Variants in BCL2L14 observed in about 807,000 individuals in gnomAD.
The protein encoded by BCL2L14 is BCL2 like 14, also known as apoptosis facilitator Bcl-2-like protein 14.
BCL2L14 carries 27 observed loss-of-function variants against 35.3 expected under a neutral mutation model. The observed-to-expected ratio is 0.76, with a 90% CI of 0.56 to 1.05. BCL2L14 has a LOEUF of 1.05. Among genes scored for constraint, BCL2L14 ranks in the 50% least tolerant of loss-of-function variants. The pLI is 0.00. For missense variants in BCL2L14, 377 were observed against 382.6 expected, an observed-to-expected ratio of 0.99 and a Z score of 0.12; for synonymous variants, 139 against 145.9, an observed-to-expected ratio of 0.95 and a Z score of 0.34.
rs144777422 is a variant in BCL2L14 at position 12,098,019 on chromosome 12, A to G, written c.946-931A>G. ...GGAAATTAGGAGAGGGGAGACAAAG[A>G]ATGTGAGAGGGATGACTAATTTTTC... On this transcript the variant is annotated intron_variant, in intron 5 of 5. Transcript: ENST00000308721. Among the ~76,000 whole-genome samples, 56 of 152,164 alleles carry G rather than the reference A, an allele frequency of 3.7e-4. No individual in the cohort carries two copies. The East Asian group carries it at 9.3e-3, about 25-fold the overall frequency.
chr12:12,076,794 A>G (rs551930550), intron 1 of BCL2L14, among the ~76,000 whole-genome samples: 1 of 152,262 alleles, frequency 6.6e-6, no homozygotes, highest in Admixed American at 6.5e-5. Flanking sequence ...AGGAGAGGAG[A>G]CAGTGATGGA....
chr12:12,087,349 C>T lies in BCL2L14; in HGVS notation c.570C>T (p.Leu190=), dbSNP rs763164779. The change falls in exon 3 of 6, where the codon CTC becomes CTT. Residue 190 remains leucine, a synonymous_variant. Coordinates refer to ENST00000308721, the MANE Select transcript of BCL2L14 (RefSeq NM_138723.2). Reference sequence around the variant, plus strand: ...TAACTGAGGGTCTCTCCTTCCAGCTCCAAGGCCACGTGCCTGTAGCTTCAA... The same window carrying T: ...TAACTGAGGGTCTCTCCTTCCAGCTTCAAGGCCACGTGCCTGTAGCTTCAA... The part of the protein sequence containing the change: ...IFVTEGLSFQ[L]QGHVPVASSS... The T allele has an allele frequency of 6.2e-7, 1 of 1,614,222 alleles. No individual in the cohort carries two copies. The highest frequency in any genetic ancestry group is 8.5e-7 in the Non-Finnish European group (1 of 1,180,046).
chr12:12,074,892 C>CT (rs1948746198), intron 1 of BCL2L14, among the ~76,000 whole-genome samples: 1 of 152,156 alleles, frequency 6.6e-6, no homozygotes, highest in African/African-American at 2.4e-5. Flanking sequence ...ATCCTCCCAC[C>CT]TTGGCCTCCT....
At chr12:12,068,387 GTTTGTTTTGAGACAGGGTTTTTGTT>G (rs1286790228), upstream of BCL2L14, among the ~76,000 whole-genome samples, 1 of 151,916 alleles carries the variant, frequency 6.6e-6, no homozygotes, top group Non-Finnish European at 1.5e-5. Flanking sequence ...TTTTCTGTTT[GTTTGTTTTGAGACAGGGTTTTTGTT>G]TTTGTTTTGA....
intron 3 of BCL2L14, among the ~76,000 whole-genome samples, chr12:12,088,404 C>T (rs11054675): frequency 0.096 from 14,521 of 152,028 alleles, 844 homozygotes; most frequent in Non-Finnish European, 0.12. Flanking sequence ...ACTTGCCCAG[C>T]GCCATGTTGT....
rs1448107992 is a variant in BCL2L14 at position 12,079,350 on chromosome 12, T to A, written c.45T>A (p.Asp15Glu). 1 of 1,614,142 alleles carries A rather than the reference T, an allele frequency of 6.2e-7. No individual in the cohort carries two copies. ...GTGACCTGGAAGAAATCCCCCTAGATGATGATGACCTAAACACCATAGAAT... is the reference window on the plus strand; with the variant it reads ...GTGACCTGGAAGAAATCCCCCTAGAAGATGATGACCTAAACACCATAGAAT... ...SGCDLEEIPLDDDDLNTIEFK... is the reference protein window; with the variant it reads ...SGCDLEEIPLEDDDLNTIEFK... The change falls in exon 2 of 6, where the codon GAT (aspartate) becomes GAA (glutamate). Residue 15 changes from aspartate to glutamate, a missense_variant. Physicochemically the swap from Asp to Glu is conservative, Grantham distance 45. Transcript: ENST00000308721.
At chr12:12,072,813 G>A (rs1948695363) in intron 1 of BCL2L14, among the ~76,000 whole-genome samples, 1 of 152,044 alleles carries the variant, frequency 6.6e-6, no homozygotes, top group Non-Finnish European at 1.5e-5. Context: ...GCTATACACT[G>A]AACAATCAAG....
chr12:12,085,203 T>G lies in BCL2L14; in HGVS notation c.434-2010T>G, dbSNP rs958602814. ...TATGAGAGGAGGAGGGGACAGAGCC[T>G]TTGGGACCCTTCATGGAGCTTCTTA... On this transcript the variant is annotated intron_variant, in intron 2 of 5. Coordinates refer to ENST00000308721, the MANE Select transcript of BCL2L14 (RefSeq NM_138723.2). 6.6e-5 allele frequency among the ~76,000 whole-genome samples: 10 copies of G among 152,276 alleles called. No individual in the cohort carries two copies. The South Asian group carries it at 2.1e-3, about 32-fold the overall frequency.
rs572101836 is a variant in BCL2L14 at position 12,051,409 on chromosome 12, C to T, written c.-323-387C>T. The stretch of plus-strand genomic sequence containing the variant: ...AACTCAGCTAATAAACAGGGAATCC[C>T]GAGGGTTCCCCTCTACTCCACTCCT... On this transcript the variant is annotated intron_variant, in intron 1 of 3. Coordinates refer to the BCL2L14 transcript ENST00000461264. 3.4e-4 allele frequency among the ~76,000 whole-genome samples: 52 copies of T among 152,258 alleles called. No homozygotes were observed. The South Asian group carries it at 6.8e-3, about 20-fold the overall frequency.
At chr12:12,092,841 C>T (rs765554969) in intron 4 of BCL2L14, among the ~76,000 whole-genome samples, 3 of 152,258 alleles carry the variant, frequency 2.0e-5, no homozygotes, top group East Asian at 1.9e-4. Context: ...ATCTCCCAAT[C>T]GCATCTGACT....
chr12:12,058,093 T>C (rs11054649), intron 2 of BCL2L14, among the ~76,000 whole-genome samples: 60,737 of 150,344 alleles, frequency 0.4, 12,484 homozygotes, highest in East Asian at 0.68. Context: ...GGACTACAGG[T>C]GTGTGCCACC....
chr12:12,083,632 C>A (rs73066102), intron 2 of BCL2L14, among the ~76,000 whole-genome samples: 8,380 of 152,150 alleles, frequency 0.055, 341 homozygotes, highest in East Asian at 0.12. Context: ...GATATGACAG[C>A]TCCACAAAGT....
chr12:12,068,189 C>G (rs1948616520), upstream of BCL2L14: 1 of 398,618 alleles, frequency 2.5e-6, no homozygotes, highest in Non-Finnish European at 4.4e-6. Flanking sequence ...AGTCTGTCCT[C>G]CTGCCTCAGC....
chr12:12,072,452 G>A (rs990090947), intron 1 of BCL2L14: 10 of 152,374 alleles, frequency 6.6e-5, no homozygotes, highest in African/African-American at 2.4e-4. Flanking sequence ...AAGAGACCAA[G>A]AAAAGAACCT....
At chr12:12,068,522 AC>A (rs1948620019), upstream of BCL2L14, among the ~76,000 whole-genome samples, 1 of 152,070 alleles carries the variant, frequency 6.6e-6, no homozygotes, top group Non-Finnish European at 1.5e-5. Flanking sequence ...TCTGTCTCAG[AC>A]TACCAAGTAG....
At chr12:12,095,605 T>G (rs1201175950) in intron 5 of BCL2L14, 1 of 985,234 alleles carries the variant, frequency 1.0e-6, no homozygotes, top group Non-Finnish European at 1.2e-6. Flanking sequence ...ACCCCACAAC[T>G]TTAACTCTCA....
chr12:12,078,852 A>G (rs10845470), intron 1 of BCL2L14, among the ~76,000 whole-genome samples: 70,241 of 152,046 alleles, frequency 0.46, 16,454 homozygotes, highest in East Asian at 0.66. Flanking sequence ...GCTGGAGTGC[A>G]GTGGCGCAAT....
intron 2 of BCL2L14, among the ~76,000 whole-genome samples, chr12:12,080,005 C>T (rs1020406075): frequency 8.5e-5 from 13 of 152,164 alleles, no homozygotes; most frequent in South Asian, 6.2e-4. Flanking sequence ...GAGATTGAGA[C>T]CATCCTGGCT....
At chr12:12,058,158 G>C (rs1158326991) in intron 2 of BCL2L14, among the ~76,000 whole-genome samples, 1 of 151,686 alleles carries the variant, frequency 6.6e-6, no homozygotes, top group African/African-American at 2.4e-5. Flanking sequence ...CACCATGTTG[G>C]CCAGGCTGTT....
Sources: allele counts gnomAD v4.1 joint callset (sites outside exome capture counted in the v4.1 genomes callset), GRCh38; gene constraint gnomAD v4.1.1; transcripts MANE v1.5; gene names NCBI Gene and HGNC (gene_info 2026-07-23, HGNC 2026-07-21).